The following WSCD1 variants were observed in gnomAD, a reference collection of about 807,000 sequenced individuals.
WSCD1 encodes sialate:O-sulfotransferase 1.
In WSCD1, 41 loss-of-function variants were observed where a neutral mutation model predicts 60.4. That is an observed-to-expected ratio of 0.68 (90% CI 0.53 to 0.88). The LOEUF (loss-of-function observed/expected upper bound fraction) is 0.88, where lower values mean the gene tolerates loss of function less well. WSCD1 is among the 40% of genes least tolerant of loss of function. The probability of loss-of-function intolerance (pLI) is 0.00; values close to 1 mark genes in which losing one functional copy is unlikely to be tolerated. For missense variants in WSCD1, 784 were observed against 796.2 expected (o/e 0.98, Z 0.18); for synonymous variants, 361 against 332.5 (o/e 1.09, Z -0.93).
intron 4 of WSCD1, among the ~76,000 whole-genome samples, chr17:6,092,358 G>C (rs750832115): frequency 6.6e-6 from 1 of 152,004 alleles, no homozygotes; most frequent in African/African-American, 2.4e-5. Flanking sequence ...CCAGCTGACC[G>C]GGGCTTCTTA....
intron 7 of WSCD1, among the ~76,000 whole-genome samples, chr17:6,115,250 TTC>T (rs1434337647): frequency 6.6e-6 from 1 of 152,228 alleles, no homozygotes; most frequent in African/African-American, 2.4e-5. Flanking sequence ...AGCTTGAATT[TTC>T]TCTCTGTAAA....
intron 3 of WSCD1, 55 bp downstream of exon 3, chr17:6,088,159 G>C: frequency 6.7e-7 from 1 of 1,483,642 alleles, no homozygotes; most frequent in South Asian, 1.2e-5. Context: ...TCCAGGGACA[G>C]TTCCAGAATG....
At position 6,123,093 on chromosome 17, in the gene WSCD1, G is replaced by A. The variant is rs2150576418; in HGVS notation, c.*2432G>A. The A allele has an allele frequency of 6.6e-6, 1 of 152,298 alleles. No individual in the cohort carries two copies. Among genetic ancestry groups the A allele is most frequent in the African/African-American group, 2.4e-5 (1 of 41,550 alleles). 9.4% of individuals were successfully genotyped at this position (152,298 alleles called of 1,614,324 possible). ...GTCCATTTGTTTTTCTCCAAGTTAG[G>A]TCTCATCTACAGCTCTTAGCTTCTC... On this transcript the variant is annotated 3_prime_UTR_variant, in exon 9 of 9. Coordinates refer to ENST00000317744, the MANE Select transcript of WSCD1 (RefSeq NM_015253.2).
intron 5 of WSCD1, among the ~76,000 whole-genome samples, chr17:6,109,397 T>A (rs548825183): frequency 6.6e-6 from 1 of 152,332 alleles, no homozygotes; most frequent in Admixed American, 6.5e-5. Flanking sequence ...CATGGGCTAC[T>A]TGAGCTGCTT....
At chr17:6,107,409 G>A (rs1226601011) in intron 5 of WSCD1, among the ~76,000 whole-genome samples, 1 of 151,984 alleles carries the variant, frequency 6.6e-6, no homozygotes, top group Non-Finnish European at 1.5e-5. Context: ...GCTGAGGTAG[G>A]ACAATCGCTT....
intron 4 of WSCD1, 128 bp downstream of exon 4, chr17:6,090,633 A>G: frequency 7.7e-7 from 1 of 1,293,862 alleles, no homozygotes; most frequent in South Asian, 1.4e-5. Flanking sequence ...TCCCTTCCCT[A>G]TTGCCATCAC....
upstream of WSCD1, chr17:6,069,390 CGTGTGTGT>C (rs771018197): frequency 1.2e-3 from 393 of 335,668 alleles, no homozygotes; most frequent in Admixed American, 2.2e-3. Context: ...CACCTCGGTG[CGTGTGTGT>C]GTGTGTGTGT....
In WSCD1 at chr17:6,090,467, T is replaced by A. The variant is rs758648495; in HGVS notation, c.689T>A (p.Val230Glu). The A allele has an allele frequency of 6.2e-7, 1 of 1,613,352 alleles. No homozygotes were observed. Among genetic ancestry groups the A allele is most frequent in the Non-Finnish European group, 8.5e-7 (1 of 1,179,700 alleles). The part of the protein sequence containing the change: ...SVCGAVDRLS[V>E]YRVDELQPGS... The stretch of plus-strand genomic sequence containing the variant: ...TGCGGGGCTGTGGACCGGCTCTCCG[T>A]GTACCGTGTGGACGAGCTGCAGCCG... The change falls in exon 4 of 9, where the codon GTG becomes GAG. Residue 230 changes from valine (V) to glutamate (E), a missense_variant. Coordinates refer to ENST00000317744, the MANE Select transcript of WSCD1 (RefSeq NM_015253.2).
chr17:6,115,884 C>T (rs1261088091), intron 7 of WSCD1, among the ~76,000 whole-genome samples: 1 of 152,180 alleles, frequency 6.6e-6, no homozygotes, highest in Admixed American at 6.5e-5. Flanking sequence ...GAGTGAACCA[C>T]CATGCCTAGC....
chr17:6,069,796 TGTGTGCGTGC>T (rs1348560539), upstream of WSCD1, among the ~76,000 whole-genome samples: 1 of 82,934 alleles, frequency 1.2e-5, no homozygotes, highest in African/African-American at 7.1e-5. Flanking sequence ...TGTGTGTGTG[TGTGTGCGTGC>T]GTGTGTGGTG....
chr17:6,111,469 G>A (rs1321733105), intron 7 of WSCD1, among the ~76,000 whole-genome samples: 2 of 152,194 alleles, frequency 1.3e-5, no homozygotes, highest in African/African-American at 4.8e-5. Flanking sequence ...GGGAGGCTGA[G>A]GTGGGTGGAT....
intron 1 of WSCD1, among the ~76,000 whole-genome samples, chr17:6,077,500 A>G (rs1908942719): frequency 6.6e-6 from 1 of 152,094 alleles, no homozygotes; most frequent in African/African-American, 2.4e-5. Context: ...GGCCATGGAA[A>G]TCTGGCCTGC....
intron 7 of WSCD1, among the ~76,000 whole-genome samples, chr17:6,113,710 A>G (rs1189505861): frequency 6.6e-6 from 1 of 152,240 alleles, no homozygotes; most frequent in Non-Finnish European, 1.5e-5. Flanking sequence ...AAAAGAAGAC[A>G]TACAAATGGT....
chr17:6,104,841 C>T (rs185673339), intron 5 of WSCD1, among the ~76,000 whole-genome samples: 1 of 152,200 alleles, frequency 6.6e-6, no homozygotes, highest in African/African-American at 2.4e-5. Context: ...AGGCTGGCTC[C>T]TTTTCCCACT....
At position 6,077,088 on chromosome 17, in the gene WSCD1, CTT is replaced by C. The variant is rs34145700; in HGVS notation, c.-288-3265_-288-3264del. On this transcript the variant is annotated intron_variant, in intron 1 of 8. Transcript: ENST00000317744. ...GACAAGTTCCTGCAAGTTCCTGATG[CTT>C]TTTTTTTTTTTTTTTTTGAGACAGA... 7.7e-3 allele frequency among the ~76,000 whole-genome samples: 944 copies of C among 122,394 alleles called. 20 individuals are homozygous for C. The highest frequency in any genetic ancestry group is 0.055 in the Admixed American group (659 of 11,886). The allele number at this position is 122,394 out of a possible 152,430, so 80.3% of individuals were successfully genotyped here.
intron 1 of WSCD1, among the ~76,000 whole-genome samples, chr17:6,078,643 G>A (rs1909024635): frequency 6.6e-6 from 1 of 152,116 alleles, no homozygotes; most frequent in South Asian, 2.1e-4. Flanking sequence ...AAGAGACCTG[G>A]CAAGAGATGA....
chr17:6,069,727 G>A (rs914220652), upstream of WSCD1, among the ~76,000 whole-genome samples: 1 of 151,282 alleles, frequency 6.6e-6, no homozygotes, highest in African/African-American at 2.4e-5. Flanking sequence ...GTGAATGTGT[G>A]TGAAGCTGTG....
chr17:6,072,809 A>G (rs908104239), intron 1 of WSCD1, among the ~76,000 whole-genome samples: 1 of 152,172 alleles, frequency 6.6e-6, no homozygotes, highest in East Asian at 1.9e-4. Context: ...TCGTGCTGAC[A>G]TACGGCCTGA....
intron 5 of WSCD1, among the ~76,000 whole-genome samples, chr17:6,103,475 T>G (rs1910917268): frequency 6.6e-6 from 1 of 152,118 alleles, no homozygotes; most frequent in Non-Finnish European, 1.5e-5. Context: ...TTGTTTGGCT[T>G]TGATAGGGAT....
Sources: allele counts gnomAD v4.1 joint callset (sites outside exome capture counted in the v4.1 genomes callset), GRCh38; gene constraint gnomAD v4.1.1; transcripts MANE v1.5; gene names NCBI Gene and HGNC (gene_info 2026-07-23, HGNC 2026-07-21).